ARHGEF12: variants seen among roughly 807,000 people sequenced by gnomAD.
ARHGEF12 encodes the protein KMT2A/ARHGEF12 fusion protein.
In ARHGEF12, 66 loss-of-function variants were observed where a neutral mutation model predicts 211.2. That is an observed-to-expected ratio of 0.31 (90% CI 0.26 to 0.38). The LOEUF (loss-of-function observed/expected upper bound fraction) is 0.38, where lower values mean the gene tolerates loss of function less well. Among genes scored for constraint, ARHGEF12 ranks in the 10% least tolerant of loss-of-function variants. The pLI, the probability that ARHGEF12 is intolerant of heterozygous loss-of-function variation, is 1.00. For synonymous variants in ARHGEF12, 592 were observed against 638.4 expected (o/e 0.93, Z 1.09); for missense variants, 1,429 against 1,869.5 (o/e 0.76, Z 4.34).
intron 22 of ARHGEF12, among the ~76,000 whole-genome samples, chr11:120,456,182 C>T (rs1266172719): frequency 6.6e-6 from 1 of 151,872 alleles, no homozygotes; most frequent in African/African-American, 2.4e-5. Flanking sequence ...ATTATGGCTG[C>T]AGGTTAGAAT....
At chr11:120,345,722 C>T (rs1422988025) in intron 1 of ARHGEF12, among the ~76,000 whole-genome samples, 5 of 93,152 alleles carry the variant, frequency 5.4e-5, no homozygotes, top group Admixed American at 3.3e-4. Flanking sequence ...AAAAAAAAAA[C>T]GAAATGGCGT....
intron 4 of ARHGEF12, among the ~76,000 whole-genome samples, chr11:120,417,303 G>A (rs1171713362): frequency 6.6e-6 from 1 of 152,080 alleles, no homozygotes; most frequent in Non-Finnish European, 1.5e-5. Flanking sequence ...TTCAGCTTTT[G>A]TGAGGTGAGG....
At chr11:120,448,146 C>T in intron 19 of ARHGEF12, 88 bp from the exon 20 acceptor site, 1 of 1,011,768 alleles carries the variant, frequency 9.9e-7, no homozygotes, top group Non-Finnish European at 1.5e-6. Context: ...TAATTCCAAC[C>T]TTGGGGTTTT....
At chr11:120,482,475 G>A (rs568567366) in intron 39 of ARHGEF12, among the ~76,000 whole-genome samples, 6 of 152,252 alleles carry the variant, frequency 3.9e-5, no homozygotes, top group South Asian at 2.1e-4. Context: ...GGCAGGGCAC[G>A]GTGGCTCACG....
At chr11:120,375,201 CTG>C (rs1312813525) in intron 1 of ARHGEF12, among the ~76,000 whole-genome samples, 1 of 152,162 alleles carries the variant, frequency 6.6e-6, no homozygotes, top group African/African-American at 2.4e-5. Flanking sequence ...ATCATGGAAA[CTG>C]TGAACATTCA....
chr11:120,339,728 C>T (rs1033113257), intron 1 of ARHGEF12, among the ~76,000 whole-genome samples: 2 of 152,048 alleles, frequency 1.3e-5, no homozygotes, highest in African/African-American at 2.4e-5. Context: ...TTGTGGCAGG[C>T]GACACATGGC....
At chr11:120,350,282 G>A (rs1451557475) in intron 1 of ARHGEF12, among the ~76,000 whole-genome samples, 4 of 152,124 alleles carry the variant, frequency 2.6e-5, no homozygotes, top group Admixed American at 2.0e-4. Context: ...TTGGGAGGCC[G>A]AGGTGGGCGG....
chr11:120,357,147 C>A (rs972642158), intron 1 of ARHGEF12, among the ~76,000 whole-genome samples: 5 of 152,034 alleles, frequency 3.3e-5, no homozygotes, highest in African/African-American at 7.2e-5. Context: ...CATGTGCCAC[C>A]GTGCCCTTCT....
intron 1 of ARHGEF12, among the ~76,000 whole-genome samples, chr11:120,359,919 C>T (rs61636865): frequency 6.6e-6 from 1 of 152,298 alleles, no homozygotes; most frequent in African/African-American, 2.4e-5. Flanking sequence ...TTAACAGAGT[C>T]ATTCTTTCAA....
intron 39 of ARHGEF12, among the ~76,000 whole-genome samples, chr11:120,482,059 G>A (rs890337141): frequency 5.9e-5 from 9 of 152,102 alleles, no homozygotes; most frequent in Admixed American, 3.9e-4. Context: ...GCGCCCAGTC[G>A]GCATTGTTTA....
chr11:120,347,093 A>G (rs1458258141), intron 1 of ARHGEF12, among the ~76,000 whole-genome samples: 1 of 152,040 alleles, frequency 6.6e-6, no homozygotes, highest in Non-Finnish European at 1.5e-5. Context: ...TTACAACAGA[A>G]TGCCATCTAC....
At chr11:120,429,365 A>G in intron 8 of ARHGEF12, 75 bp from the exon 9 acceptor site, 1 of 1,264,034 alleles carries the variant, frequency 7.9e-7, no homozygotes, top group Non-Finnish European at 1.1e-6. Flanking sequence ...TTTGTATGCC[A>G]CATTTTCTCT....
At chr11:120,358,788 A>G (rs934470984) in intron 1 of ARHGEF12, among the ~76,000 whole-genome samples, 7 of 152,172 alleles carry the variant, frequency 4.6e-5, no homozygotes, top group Admixed American at 3.9e-4. Flanking sequence ...CCAAACATTT[A>G]TCAACGCATA....
intron 29 of ARHGEF12, 75 bp from the exon 30 acceptor site, chr11:120,469,213 T>C: frequency 8.7e-7 from 1 of 1,149,078 alleles, no homozygotes; most frequent in Non-Finnish European, 1.3e-6. Flanking sequence ...TGAAATGAAA[T>C]GAAATCTCAT....
chr11:120,473,761 G>A (rs1189023827), intron 31 of ARHGEF12, among the ~76,000 whole-genome samples: 1 of 152,202 alleles, frequency 6.6e-6, no homozygotes, highest in Non-Finnish European at 1.5e-5. Flanking sequence ...AATAACACAA[G>A]ATAGCATACT....
chr11:120,409,319 T>C, intron 3 of ARHGEF12, 75 bp from the exon 4 acceptor site: 1 of 1,435,536 alleles, frequency 7.0e-7, no homozygotes, highest in Admixed American at 1.8e-5. Flanking sequence ...TCATTCTTTT[T>C]TCCCCATGAA....
In ARHGEF12 at chr11:120,437,315, A is replaced by G; in HGVS notation, c.932A>G (p.Lys311Arg). The change falls in exon 12 of 41, where the codon AAG (lysine) becomes AGG (arginine). Residue 311 changes from lysine (K) to arginine (R), a missense_variant. Lys to Arg is a conservative substitution (Grantham distance 26). This residue lies in a region of ARHGEF12 where 254 missense variants were observed against 286.4 expected (regional missense o/e 0.89). Coordinates refer to ENST00000397843, the MANE Select transcript of ARHGEF12 (RefSeq NM_015313.3). ...RPSSDNADSP[K>R]SGPKERIYLE... ...TCTTGTTTTTTTCATTAGAGTCCCAAGAGTGGCCCAAAAGAGAGAATTTAT... is the reference window on the plus strand; with the variant it reads ...TCTTGTTTTTTTCATTAGAGTCCCAGGAGTGGCCCAAAAGAGAGAATTTAT... The G allele has an allele frequency of 6.2e-7, 1 of 1,612,336 alleles. No homozygotes were observed. Among genetic ancestry groups the G allele is most frequent in the South Asian group, 1.1e-5 (1 of 90,880 alleles).
intron 1 of ARHGEF12, among the ~76,000 whole-genome samples, chr11:120,376,727 C>T (rs11217847): frequency 0.19 from 28,377 of 151,982 alleles, 2,997 homozygotes; most frequent in Non-Finnish European, 0.23. Context: ...TCTGTTATAT[C>T]AAATACTAGA....
chr11:120,393,835 C>G (rs1178272443), intron 1 of ARHGEF12, among the ~76,000 whole-genome samples: 1 of 151,694 alleles, frequency 6.6e-6, no homozygotes, highest in Non-Finnish European at 1.5e-5. Context: ...ATTTTTGGAA[C>G]ATTCCAGCCA....
Sources: allele counts gnomAD v4.1 joint callset (sites outside exome capture counted in the v4.1 genomes callset), GRCh38; gene constraint gnomAD v4.1.1; regional missense constraint gnomAD v4.1.1; transcripts MANE v1.5; gene names NCBI Gene and HGNC (gene_info 2026-07-23, HGNC 2026-07-21).